NDUFS1: variants seen among roughly 807,000 people sequenced by gnomAD.
NDUFS1 encodes the protein NADH-ubiquinone oxidoreductase 75 kDa subunit, mitochondrial.
Under a neutral mutation model 84.4 loss-of-function variants are expected in NDUFS1, and 61 were observed. That is an observed-to-expected ratio of 0.72 (90% confidence interval 0.59 to 0.89). NDUFS1 has a LOEUF of 0.89. Among genes scored for constraint, NDUFS1 ranks in the 40% least tolerant of loss-of-function variants. The pLI is 0.00. For missense variants in NDUFS1, 891 were observed against 890.0 expected, an observed-to-expected ratio of 1.00 and a Z score of -0.01; for synonymous variants, 275 against 290.0, an observed-to-expected ratio of 0.95 and a Z score of 0.53.
At chr2:206,145,089 G>T in intron 8 of NDUFS1, 63 bp from the exon 9 acceptor site, 2 of 1,498,704 alleles carry the variant, frequency 1.3e-6, no homozygotes, top group Non-Finnish European at 1.8e-6. Context: ...TCTGTTACCT[G>T]GTTTACCAAA....
intron 1 of NDUFS1, chr2:206,159,043 G>A (rs1687799009): frequency 6.5e-7 from 1 of 1,527,950 alleles, no homozygotes; most frequent in Admixed American, 2.0e-5. Flanking sequence ...CCTCCTCTGA[G>A]AGGGAAATGT....
chr2:206,152,384 AAC>A, intron 3 of NDUFS1, 33 bp downstream of exon 3: 3 of 1,532,758 alleles, frequency 2.0e-6, no homozygotes, highest in Non-Finnish European at 2.7e-6. Context: ...AAAAAATCAG[AAC>A]ACACACACAA....
intron 13 of NDUFS1, among the ~76,000 whole-genome samples, 197 bp downstream of exon 13, chr2:206,138,288 C>T (rs566200593): frequency 6.6e-6 from 1 of 152,286 alleles, no homozygotes; most frequent in African/African-American, 2.4e-5. Context: ...ACCGTGTTGC[C>T]CAGTCTGGTC....
At chr2:206,143,425 T>C (rs1049534857) in intron 10 of NDUFS1, among the ~76,000 whole-genome samples, 5 of 152,206 alleles carry the variant, frequency 3.3e-5, no homozygotes, top group African/African-American at 9.6e-5. Context: ...AGTGGAACTA[T>C]AGTTACCTTA....
intron 3 of NDUFS1, among the ~76,000 whole-genome samples, chr2:206,152,020 G>T (rs979518023): frequency 2.6e-5 from 4 of 152,004 alleles, no homozygotes; most frequent in Non-Finnish European, 5.9e-5. Context: ...TGCGCGCCAC[G>T]ATGCGCAGCT....
rs192933112 is a variant in NDUFS1, at chr2:206,115,425, G to A, written c.*8760C>T. On this transcript the variant is annotated 3_prime_UTR_variant, in exon 19 of 19. Coordinates refer to ENST00000233190, the MANE Select transcript of NDUFS1 (RefSeq NM_005006.7). ...TGATGCCATTATAAAAAGGGTTTGCGGGAGCATGTTAGCTCTCCCTTGCCC... is the reference window on the plus strand; with the variant it reads ...TGATGCCATTATAAAAAGGGTTTGCAGGAGCATGTTAGCTCTCCCTTGCCC... The A allele has an allele frequency of 7.4e-5, 12 of 162,670 alleles. No individual in the cohort carries two copies. The East Asian group carries it at 1.6e-3, about 22-fold the overall frequency. 10.1% of individuals were successfully genotyped at this position (162,670 alleles called of 1,614,324 possible).
rs150813205 is a variant in NDUFS1, at chr2:206,152,281, A to G, written c.153+138T>C. 34 of 712,898 alleles carry G rather than the reference A, an allele frequency of 4.8e-5. No individual in the cohort carries two copies. In the East Asian group the frequency reaches 9.3e-4, roughly 20 times the overall value. The allele number at this position is 712,898 out of a possible 1,614,324, so 44.2% of individuals were successfully genotyped here. A position where few individuals can be genotyped will look rare whatever the true frequency, so the allele number is the denominator to read the frequency against. ...TCACTTTGAAGTGCCAAGATTTAAA[A>G]TGAAATAATTTTAATATAACTTTGC... On this transcript the variant is annotated intron_variant, in intron 3 of 18. Transcript: ENST00000233190.
intron 4 of NDUFS1, 71 bp downstream of exon 4, chr2:206,149,743 CTAAA>C (rs1559062650): frequency 9.3e-7 from 1 of 1,078,318 alleles, no homozygotes; most frequent in Non-Finnish European, 1.4e-6. Context: ...GATATTGATT[CTAAA>C]TAAAGTTTGC....
intron 5 of NDUFS1, among the ~76,000 whole-genome samples, chr2:206,148,248 C>T (rs1250574963): frequency 6.6e-6 from 1 of 152,068 alleles, no homozygotes; most frequent in Non-Finnish European, 1.5e-5. Context: ...TTTAAACAAC[C>T]TTCATAGATG....
Position 206,127,814 on chromosome 2 carries a change from T to C in NDUFS1, c.1867A>G (p.Ile623Val), listed in dbSNP as rs1691350840. The C allele has an allele frequency of 1.9e-6, 3 of 1,614,160 alleles. No homozygotes were observed. The highest frequency in any genetic ancestry group is 1.7e-5 in the Admixed American group (1 of 60,020). The change falls in exon 16 of 19, where the codon ATA becomes GTA. Residue 623 changes from isoleucine (I) to valine (V), a missense_variant. Ile to Val is a conservative substitution (Grantham distance 29). Coordinates refer to ENST00000233190, the MANE Select transcript of NDUFS1 (RefSeq NM_005006.7). ...PGLAREDWKIIRALSEIAGMT... is the reference protein window; with the variant it reads ...PGLAREDWKIVRALSEIAGMT... ...AATTATACCTCAGAGAGTGCTCTTATAATTTTCCAGTCTTCTCTTGCCAAG... is the reference window on the plus strand; with the variant it reads ...AATTATACCTCAGAGAGTGCTCTTACAATTTTCCAGTCTTCTCTTGCCAAG...
chr2:206,156,119 C>T lies in NDUFS1; in HGVS notation c.-4-2437G>A, dbSNP rs1406799330. On this transcript the variant is annotated intron_variant, in intron 1 of 18. Transcript: ENST00000233190. ...TCTACTAAAAATACAAAAAAATAGCCGGGCGTGGTGGCAGGCGCCTGTAGT... is the reference window on the plus strand; with the variant it reads ...TCTACTAAAAATACAAAAAAATAGCTGGGCGTGGTGGCAGGCGCCTGTAGT... 5.3e-5 allele frequency among the ~76,000 whole-genome samples: 8 copies of T among 151,256 alleles called. No homozygotes were observed. The East Asian group carries it at 1.4e-3, about 26-fold the overall frequency.
intron 13 of NDUFS1, among the ~76,000 whole-genome samples, chr2:206,138,177 G>A (rs533512152): frequency 4.6e-5 from 7 of 152,214 alleles, no homozygotes; most frequent in African/African-American, 1.2e-4. Flanking sequence ...TGCAACCTCC[G>A]CCTCCTGGGT....
At position 206,149,929 on chromosome 2, in the gene NDUFS1, GAAGTAA is replaced by G. The variant is rs1692303390; in HGVS notation, c.154-10_154-5del. 5 of 336,880 alleles carry G rather than the reference GAAGTAA, an allele frequency of 1.5e-5. No individual in the cohort carries two copies. The highest frequency in any genetic ancestry group is 5.2e-5 in the South Asian group (2 of 38,520). The allele number at this position is 336,880 out of a possible 1,614,324, so 20.9% of individuals were successfully genotyped here. A position where few individuals can be genotyped will look rare whatever the true frequency, so the allele number is the denominator to read the frequency against. The stretch of plus-strand genomic sequence containing the variant: ...GCATGCCAACCTTCTCACAAGCCTA[GAAGTAA>G]AAAAAAAAAAAAAAAAAAAAAAAGC... On this transcript the variant is annotated splice_polypyrimidine_tract_variant and splice_region_variant and intron_variant, in intron 3 of 18. Transcript: ENST00000233190.
chr2:206,140,922 G>GTATA (rs142969226), intron 12 of NDUFS1, among the ~76,000 whole-genome samples: 244 of 127,978 alleles, frequency 1.9e-3, no homozygotes, highest in Middle Eastern at 4.0e-3. Context: ...TATGTAGTGT[G>GTATA]TATATATATA....
At chr2:206,152,636 T>A in intron 2 of NDUFS1, 126 bp from the exon 3 acceptor site, 1 of 765,380 alleles carries the variant, frequency 1.3e-6, no homozygotes, top group Non-Finnish European at 2.3e-6. Context: ...TGTATTGCTC[T>A]GGATGCAAAC....
rs1221780323 is a variant in NDUFS1 at position 206,119,847 on chromosome 2, T to C, written c.*4338A>G. The C allele has an allele frequency of 6.6e-6, 1 of 152,090 alleles. No individual in the cohort carries two copies. The highest frequency in any genetic ancestry group is 1.5e-5 in the Non-Finnish European group (1 of 68,020). The allele number at this position is 152,090 out of a possible 1,614,324, so 9.4% of individuals were successfully genotyped here. A position where few individuals can be genotyped will look rare whatever the true frequency, so the allele number is the denominator to read the frequency against. On this transcript the variant is annotated 3_prime_UTR_variant, in exon 19 of 19. Transcript: ENST00000233190. ...TTTTTTTTAAGAGTTGGGGGTCTTG[T>C]TATGTTGCTGATATGGTTTGGATGG...
intron 10 of NDUFS1, 140 bp from the exon 11 acceptor site, chr2:206,142,971 C>T: frequency 8.4e-7 from 1 of 1,195,076 alleles, no homozygotes; most frequent in South Asian, 1.4e-5. Flanking sequence ...TTACAACATG[C>T]CCAGGCACAC....
At chr2:206,144,259 G>A in intron 9 of NDUFS1, 127 bp from the exon 10 acceptor site, 2 of 694,318 alleles carry the variant, frequency 2.9e-6, no homozygotes, top group South Asian at 3.2e-5. Context: ...TAAACACCTA[G>A]ATACAAGTAA....
intron 15 of NDUFS1, among the ~76,000 whole-genome samples, chr2:206,129,537 A>G (rs2105947730): frequency 6.6e-6 from 1 of 152,136 alleles, no homozygotes; most frequent in South Asian, 2.1e-4. Context: ...TGGTGGGATT[A>G]CAGCATGAGC....
Sources: gnomAD v4.1 joint callset for allele counts (sites outside exome capture counted in the v4.1 genomes callset) on GRCh38, gnomAD v4.1.1 for gene constraint, MANE v1.5 for transcripts, NCBI Gene and HGNC (gene_info 2026-07-23, HGNC 2026-07-21) for gene names.